The following NKAIN2 variants were observed in gnomAD, a reference collection of about 807,000 sequenced individuals.
NKAIN2 encodes sodium/potassium transporting ATPase interacting 2.
In NKAIN2, 14 loss-of-function variants were observed where a neutral mutation model predicts 32.6. That is an observed-to-expected ratio of 0.43 (90% CI 0.28 to 0.67). The LOEUF is 0.67. NKAIN2 is among the 30% of genes least tolerant of loss of function. The pLI, the probability that NKAIN2 is intolerant of heterozygous loss-of-function variation, is 0.17. For missense variants in NKAIN2, 198 were observed against 258.3 expected (o/e 0.77, Z 1.60); for synonymous variants, 80 against 87.2 (o/e 0.92, Z 0.46).
chr6:124,205,715 G>C (rs940904031), intron 1 of NKAIN2, among the ~76,000 whole-genome samples: 1 of 150,748 alleles, frequency 6.6e-6, no homozygotes, highest in Non-Finnish European at 1.5e-5. Flanking sequence ...CAAGGGCATG[G>C]ATCTACACAT....
chr6:124,230,182 A>C (rs1319287374), intron 1 of NKAIN2, among the ~76,000 whole-genome samples: 1 of 152,180 alleles, frequency 6.6e-6, no homozygotes, highest in Non-Finnish European at 1.5e-5. Context: ...GCTATGTTTT[A>C]GCAAAGAGAC....
At chr6:124,540,376 AAC>A (rs1345253777) in intron 3 of NKAIN2, among the ~76,000 whole-genome samples, 2 of 152,220 alleles carry the variant, frequency 1.3e-5, no homozygotes, top group African/African-American at 4.8e-5. Flanking sequence ...TATCTTTAAA[AAC>A]AGTTTTCTTG....
At chr6:124,773,160 C>T (rs1204473729) in intron 4 of NKAIN2, among the ~76,000 whole-genome samples, 1 of 152,112 alleles carries the variant, frequency 6.6e-6, no homozygotes, top group African/African-American at 2.4e-5. Flanking sequence ...ACCTGAATGT[C>T]ATTAGACATC....
chr6:123,978,547 T>C, intron 1 of NKAIN2, among the ~76,000 whole-genome samples: 1 of 152,328 alleles, frequency 6.6e-6, no homozygotes, highest in East Asian at 1.9e-4. Context: ...AATGTACAAC[T>C]ACTCTTTCTC....
intron 1 of NKAIN2, among the ~76,000 whole-genome samples, chr6:124,080,047 G>A (rs888859719): frequency 6.6e-6 from 1 of 152,074 alleles, no homozygotes; most frequent in Non-Finnish European, 1.5e-5. Flanking sequence ...AAAAGATTAA[G>A]GATGTGTGAA....
intron 1 of NKAIN2, among the ~76,000 whole-genome samples, chr6:123,877,532 T>C (rs1054524221): frequency 5.3e-5 from 8 of 152,226 alleles, no homozygotes; most frequent in Non-Finnish European, 4.4e-5. Context: ...AGCATTACTA[T>C]GTTGAGAATT....
At chr6:124,578,902 T>G (rs2114934908) in intron 3 of NKAIN2, among the ~76,000 whole-genome samples, 1 of 152,180 alleles carries the variant, frequency 6.6e-6, no homozygotes, top group African/African-American at 2.4e-5. Context: ...AGAGAGAGAC[T>G]CTTTGTTTAG....
At chr6:124,625,934 T>G (rs887391509) in intron 3 of NKAIN2, among the ~76,000 whole-genome samples, 1 of 151,636 alleles carries the variant, frequency 6.6e-6, no homozygotes, top group African/African-American at 2.4e-5. Flanking sequence ...CCAGTTTTTG[T>G]TTTTTTAAAA....
intron 3 of NKAIN2, among the ~76,000 whole-genome samples, chr6:124,603,475 T>C (rs1451739625): frequency 2.0e-5 from 3 of 151,996 alleles, no homozygotes; most frequent in Non-Finnish European, 4.4e-5. Flanking sequence ...TTGCTTCACC[T>C]ATCAGGAGCC....
chr6:123,815,263 C>G (rs1237077824), intron 1 of NKAIN2, among the ~76,000 whole-genome samples: 1 of 152,048 alleles, frequency 6.6e-6, no homozygotes. Context: ...TACTGTCTTT[C>G]ATTCATTGTG....
chr6:124,412,094 CAAAGTTT>C (rs1223208549), intron 3 of NKAIN2, among the ~76,000 whole-genome samples: 2 of 151,654 alleles, frequency 1.3e-5, no homozygotes, highest in Non-Finnish European at 2.9e-5. Context: ...AATTTTTTTT[CAAAGTTT>C]TTAACTTCTT....
intron 3 of NKAIN2, among the ~76,000 whole-genome samples, chr6:124,476,187 A>G (rs1777205430): frequency 6.6e-6 from 1 of 152,024 alleles, no homozygotes; most frequent in African/African-American, 2.4e-5. Flanking sequence ...AATTGGCAAA[A>G]TATGGAAATC....
At chr6:124,019,687 G>A (rs754803325) in intron 1 of NKAIN2, among the ~76,000 whole-genome samples, 5 of 151,866 alleles carry the variant, frequency 3.3e-5, no homozygotes, top group Non-Finnish European at 7.4e-5. Context: ...TTCAATATAA[G>A]TGTGTATATT....
intron 4 of NKAIN2, among the ~76,000 whole-genome samples, chr6:124,741,616 A>C (rs1223211608): frequency 6.6e-6 from 1 of 151,912 alleles, no homozygotes; most frequent in Non-Finnish European, 1.5e-5. Flanking sequence ...GAGGAGCTGA[A>C]CTTCCACTTA....
intron 3 of NKAIN2, among the ~76,000 whole-genome samples, chr6:124,584,879 T>G (rs1223427656): frequency 6.6e-6 from 1 of 152,168 alleles, no homozygotes. Context: ...ATACCATCAC[T>G]ATGGAGAACA....
chr6:124,586,089 CA>C, intron 3 of NKAIN2, among the ~76,000 whole-genome samples: 1 of 152,164 alleles, frequency 6.6e-6, no homozygotes, highest in South Asian at 2.1e-4. Context: ...TCGCCTGCCC[CA>C]AAATTCCCCT....
chr6:124,149,498 T>C (rs956966074), intron 1 of NKAIN2, among the ~76,000 whole-genome samples: 5 of 152,216 alleles, frequency 3.3e-5, no homozygotes, highest in African/African-American at 9.6e-5. Flanking sequence ...TTTATTTGCA[T>C]ATAGATACCC....
chr6:123,993,664 G>T (rs1316302658), intron 1 of NKAIN2, among the ~76,000 whole-genome samples: 2 of 152,252 alleles, frequency 1.3e-5, no homozygotes, highest in African/African-American at 4.8e-5. Context: ...TATCCAGTGT[G>T]CATTCTCCTC....
intron 4 of NKAIN2, among the ~76,000 whole-genome samples, chr6:124,742,554 A>C (rs1777265196): frequency 6.6e-6 from 1 of 151,748 alleles, no homozygotes; most frequent in Admixed American, 6.6e-5. Flanking sequence ...CAATGGTGAG[A>C]ATTCTTGGCC....
Sources: gnomAD v4.1 joint callset for allele counts (sites outside exome capture counted in the v4.1 genomes callset) on GRCh38, gnomAD v4.1.1 for gene constraint, MANE v1.5 for transcripts, NCBI Gene and HGNC (gene_info 2026-07-23, HGNC 2026-07-21) for gene names.